CPT1B: variants seen among roughly 807,000 people sequenced by gnomAD.
CPT1B encodes carnitine palmitoyltransferase 1B, also known as carnitine O-palmitoyltransferase 1, muscle isoform.
CPT1B carries 57 observed loss-of-function variants against 92.7 expected under a neutral mutation model. That is an observed-to-expected ratio of 0.62 (90% CI 0.50 to 0.77). CPT1B has a LOEUF of 0.77. Ranked by LOEUF, CPT1B falls within the 30% of genes least tolerant of loss-of-function variation. The pLI is 0.00. For missense variants in CPT1B, 983 were observed against 1,017.4 expected, an observed-to-expected ratio of 0.97 and a Z score of 0.46; for synonymous variants, 398 against 383.5, an observed-to-expected ratio of 1.04 and a Z score of -0.44.
intron 11 of CPT1B, among the ~76,000 whole-genome samples, 190 bp downstream of exon 11, chr22:50,572,685 C>T (rs1264470612): frequency 6.6e-6 from 1 of 152,236 alleles, no homozygotes; most frequent in Non-Finnish European, 1.5e-5. Context: ...GGGTCTCGCT[C>T]CGTTGCCCAG....
rs955553966 is a variant in CPT1B at position 50,576,213 on chromosome 22, C to G, written c.684G>C (p.Trp228Cys). 3 of 1,614,074 alleles carry G rather than the reference C, an allele frequency of 1.9e-6. No homozygotes were observed. The Admixed American group carries it at 5.0e-5, about 27-fold the overall frequency. ...AGGAACTTACATAGTTACTTGCCCA[C>G]CATGACTTGAGCACCAGGTATTTCT... ...RLQKYLVLKS[W>C]WASNYVSDWW... Residue 228 changes from tryptophan to cysteine, a missense_variant, in exon 6 of 20, where the codon TGG becomes TGC. Physicochemically the swap from Trp to Cys is radical, Grantham distance 215 (BLOSUM62 -2). Transcript: ENST00000312108.
rs1569043457 is a variant in CPT1B at position 50,573,489 on chromosome 22, G to A, written c.1166+31C>T. On this transcript the variant is annotated intron_variant, in intron 10 of 19. Coordinates refer to ENST00000312108, the MANE Select transcript of CPT1B (RefSeq NM_152246.3). The surrounding 1 kb of genome is among the most constrained non-coding windows in gnomAD (Gnocchi z 5.0). Reference sequence around the variant, plus strand: ...CTCCTCACGGAGCCCTGAACTCAGGGTGGGGACAGTCCCTTCCTAGAGGCC... The same window carrying A: ...CTCCTCACGGAGCCCTGAACTCAGGATGGGGACAGTCCCTTCCTAGAGGCC... The A allele has an allele frequency of 6.4e-7, 1 of 1,566,516 alleles. No individual in the cohort carries two copies.
intron 4 of CPT1B, 73 bp downstream of exon 4, chr22:50,576,784 T>C: frequency 6.3e-7 from 1 of 1,592,456 alleles, no homozygotes; most frequent in Admixed American, 1.7e-5. Context: ...CTCTCCCGTC[T>C]AGCTCAGAAC....
At chr22:50,574,674 A>G in intron 7 of CPT1B, 74 bp from the exon 8 acceptor site, 1 of 1,207,562 alleles carries the variant, frequency 8.3e-7, no homozygotes, top group Admixed American at 1.7e-5. Context: ...CCCAAGGACC[A>G]ATCTATTCGG....
At chr22:50,571,814 G>A (rs1231517222) in intron 13 of CPT1B, 192 bp downstream of exon 13, 8 of 684,822 alleles carry the variant, frequency 1.2e-5, no homozygotes, top group Non-Finnish European at 1.8e-5. Context: ...TGGCCCCAGG[G>A]GCGGTGGGTG....
rs1437355445 is a variant in CPT1B at position 50,571,470 on chromosome 22, A to G, written c.1645T>C (p.Phe549Leu). 1.9e-6 allele frequency: 3 copies of G among 1,613,692 alleles called. No individual in the cohort carries two copies. Among genetic ancestry groups the G allele is most frequent in the Non-Finnish European group, 2.5e-6 (3 of 1,180,044 alleles). ...CCTTTGCCAAAGGGCAGGAACTGGA[A>G]GCAGTACAACTCCACGTCGTCTGCC... ...ALADDVELYC[F>L]QFLPFGKGLI... Residue 549 changes from phenylalanine to leucine, a missense_variant, in exon 14 of 20, where the codon TTC (phenylalanine) becomes CTC (leucine). By Grantham distance (22) the Phe-to-Leu change is conservative. Coordinates refer to ENST00000312108, the MANE Select transcript of CPT1B (RefSeq NM_152246.3).
chr22:50,574,846 A>T, intron 7 of CPT1B: 1 of 481,012 alleles, frequency 2.1e-6, no homozygotes, highest in Non-Finnish European at 3.8e-6. Flanking sequence ...TCTGTCGCCC[A>T]GGCTGGAGTG....
rs1482490183 is a variant in CPT1B at position 50,577,876 on chromosome 22, C to A, written c.40G>T (p.Val14Leu). 1 of 1,613,274 alleles carries A rather than the reference C, an allele frequency of 6.2e-7. No individual in the cohort carries two copies. The highest frequency in any genetic ancestry group is 8.5e-7 in the Non-Finnish European group (1 of 1,179,678). Residue 14 changes from valine to leucine, a missense_variant, in exon 2 of 20, where the codon GTG becomes TTG. Val to Leu is a conservative substitution (Grantham distance 32). Coordinates refer to ENST00000312108, the MANE Select transcript of CPT1B (RefSeq NM_152246.3). ...CGGAAGTCGACCCCGTCTGGGGTCA[C>A]CGTGAACTGGAAGGCCACGGCCTGG... ...AHQAVAFQFT[V>L]TPDGVDFRLS... is the part of the protein sequence containing the mutation.
chr22:50,576,760 A>G, intron 4 of CPT1B, 97 bp downstream of exon 4: 1 of 1,547,710 alleles, frequency 6.5e-7, no homozygotes, highest in Non-Finnish European at 8.9e-7. Flanking sequence ...ACCAGGCACC[A>G]GTGCCCTGTC....
In CPT1B at chr22:50,573,718, G is replaced by A. The variant is rs778629516; in HGVS notation, c.971-3C>T. 4 of 1,611,116 alleles carry A rather than the reference G, an allele frequency of 2.5e-6. No individual in the cohort carries two copies. The highest frequency in any genetic ancestry group is 3.4e-6 in the Non-Finnish European group (4 of 1,178,862). ...GTCTGAGAGGTGCTGTAGCACATCT[G>A]TGATACAGGCCACGGGCAAGCTGAG... is the stretch of plus-strand genomic sequence containing the variant. On this transcript the variant is annotated splice_region_variant and splice_polypyrimidine_tract_variant and intron_variant, in intron 9 of 19. Transcript: ENST00000312108. This position sits in a 1 kb window ranked among gnomAD's most constrained non-coding sequence, Gnocchi z 5.0.
chr22:50,572,637 C>G (rs1443002089), intron 11 of CPT1B, among the ~76,000 whole-genome samples: 1 of 152,028 alleles, frequency 6.6e-6, no homozygotes, highest in African/African-American at 2.4e-5. Context: ...ACTAGCCCTA[C>G]CCAACCACTA....
chr22:50,570,473 G>A, intron 16 of CPT1B, 67 bp from the exon 17 acceptor site: 3 of 1,273,418 alleles, frequency 2.4e-6, no homozygotes, highest in South Asian at 1.4e-5. Context: ...CGTGGTGTCT[G>A]CGACCTACTC....
Position 50,574,561 on chromosome 22 carries a change from G to A in CPT1B, c.817C>T (p.Arg273Cys), listed in dbSNP as rs749141897. The part of the protein sequence containing the change: ...LIKNTDVQAA[R>C]LGNIIHAMIM... ...ATGGCGTGGATGATGTTTCCCAGGCGGGCTGCCTGCACGTCTGTATTCTTG... is the reference window on the plus strand; with the variant it reads ...ATGGCGTGGATGATGTTTCCCAGGCAGGCTGCCTGCACGTCTGTATTCTTG... The change falls in exon 8 of 20, where the codon CGC becomes TGC. Residue 273 changes from arginine to cysteine, a missense_variant. Arg to Cys is a radical substitution (Grantham distance 180, BLOSUM62 -3). Coordinates refer to ENST00000312108, the MANE Select transcript of CPT1B (RefSeq NM_152246.3). The A allele has an allele frequency of 3.7e-6, 6 of 1,614,060 alleles. No individual in the cohort carries two copies. Among genetic ancestry groups the A allele is most frequent in the South Asian group, 2.2e-5 (2 of 91,068 alleles).
chr22:50,577,771 G>T lies in CPT1B; in HGVS notation c.141+4C>A. On this transcript the variant is annotated splice_donor_region_variant and intron_variant, in intron 2 of 19. Transcript: ENST00000312108. ...TACGCTCTGGGAGAAGCACCTGTGC[G>T]CACCTTGATGCGGATCAGGCGTTTC... The T allele has an allele frequency of 6.2e-7, 1 of 1,612,666 alleles. No homozygotes were observed. The highest frequency in any genetic ancestry group is 8.5e-7 in the Non-Finnish European group (1 of 1,178,990).
rs754920844 is a variant in CPT1B, at chr22:50,573,639, A to G, written c.1047T>C (p.Tyr349=). Residue 349 remains tyrosine, a synonymous_variant, in exon 10 of 20, where the codon TAT becomes TAC. Coordinates refer to ENST00000312108, the MANE Select transcript of CPT1B (RefSeq NM_152246.3). The surrounding 1 kb of genome is among the most constrained non-coding windows in gnomAD (Gnocchi z 5.0). Reference sequence around the variant, plus strand: ...GAGGCTTGAGCAGACGGGCGCCCTCATAGAGCCACAGCTTGAAGAAGCGTC... The same window carrying G: ...GAGGCTTGAGCAGACGGGCGCCCTCGTAGAGCCACAGCTTGAAGAAGCGTC... ...HKGRFFKLWL[Y]EGARLLKPQD... 6 of 1,613,316 alleles carry G rather than the reference A, an allele frequency of 3.7e-6. No homozygotes were observed. The Admixed American group carries it at 5.0e-5, about 13-fold the overall frequency.
intron 16 of CPT1B, 24 bp from the exon 17 acceptor site, chr22:50,570,430 C>A: frequency 6.5e-7 from 1 of 1,535,094 alleles, no homozygotes; most frequent in South Asian, 1.2e-5. Context: ...CACAGCTGGT[C>A]AGAGGCCACA....
At chr22:50,570,195 A>C in intron 17 of CPT1B, 98 bp downstream of exon 17, 1 of 857,840 alleles carries the variant, frequency 1.2e-6, no homozygotes, top group Non-Finnish European at 1.8e-6. Flanking sequence ...CCTCTAAGCA[A>C]GGTGCTCCTG....
In CPT1B at chr22:50,570,309, C is replaced by A; in HGVS notation, c.2126G>T (p.Gly709Val). Residue 709 changes from glycine (G) to valine (V), a missense_variant, in exon 17 of 20, where the codon GGA becomes GTA. Physicochemically the swap from Gly to Val is moderately radical, Grantham distance 109 (BLOSUM62 -3). Coordinates refer to ENST00000312108, the MANE Select transcript of CPT1B (RefSeq NM_152246.3). ...PEQHPNHLGA[G>V]GGFGPVADDG... is the part of the protein sequence containing the mutation. ...AGCACTCACAGGGCCAAAGCCACCT[C>A]CAGCGCCCAGGTGATTGGGGTGCTG... The A allele has an allele frequency of 6.3e-7, 1 of 1,585,952 alleles. No homozygotes were observed. The highest frequency in any genetic ancestry group is 8.6e-7 in the Non-Finnish European group (1 of 1,162,980).
chr22:50,574,419 CCT>C lies in CPT1B; in HGVS notation c.886-2_886-1del, dbSNP rs1569044818. The C allele has an allele frequency of 6.2e-7, 1 of 1,614,096 alleles. No homozygotes were observed. The highest frequency in any genetic ancestry group is 8.5e-7 in the Non-Finnish European group (1 of 1,180,000). ...ATAGGCACTATGCCCAGTGCCATCA[CCT>C]GAGGGAAGGCCCAGCATGGCTCAGA... On this transcript the variant is annotated splice_acceptor_variant, in intron 8 of 19. Transcript: ENST00000312108. LOFTEE classifies it high-confidence loss of function.
Sources: allele counts gnomAD v4.1 joint callset (sites outside exome capture counted in the v4.1 genomes callset), GRCh38; gene constraint gnomAD v4.1.1; non-coding constraint Gnocchi (gnomAD v3.1); transcripts MANE v1.5; gene names NCBI Gene and HGNC (gene_info 2026-07-23, HGNC 2026-07-21).